The following EFCC1 variants were observed in gnomAD, a reference collection of about 807,000 sequenced individuals.
The protein encoded by EFCC1 is EF-hand and coiled-coil domain containing 1, also known as EF-hand and coiled-coil domain-containing protein 1.
A neutral mutation model predicts 52.1 loss-of-function variants in EFCC1; 50 were observed. The ratio of observed to expected loss-of-function variants is 0.96; its 90% CI spans 0.76 to 1.21. The LOEUF is 1.21. Ranked by LOEUF, EFCC1 falls within the 50% of genes most tolerant of loss-of-function variation. The probability of loss-of-function intolerance (pLI) is 0.00; values close to 1 mark genes in which losing one functional copy is unlikely to be tolerated. For missense variants in EFCC1, 837 were observed against 867.3 expected, an observed-to-expected ratio of 0.97 and a Z score of 0.44; for synonymous variants, 399 against 396.5, an observed-to-expected ratio of 1.01 and a Z score of -0.08.
In EFCC1 at chr3:129,004,028, G is replaced by A; in HGVS notation, c.931G>A (p.Gly311Ser). ...GGAGGCGCTGGCGCAACAGGTGCCC[G>A]GCTTGCAGCGCTGGGTGCGGCGGCT... Reference protein sequence around the residue: ...ELEALAQQVPGLQRWVRRLEA... With the variant: ...ELEALAQQVPSLQRWVRRLEA... The change falls in exon 2 of 8, where the codon GGC (glycine) becomes AGC (serine). Residue 311 changes from glycine to serine, a missense_variant. Coordinates refer to ENST00000683648, the MANE Select transcript of EFCC1 (RefSeq NM_001377500.1). 6.6e-7 allele frequency: 1 copy of A among 1,509,964 alleles called. No homozygotes were observed. The highest frequency in any genetic ancestry group is 1.2e-5 in the South Asian group (1 of 82,766). 93.5% of individuals were successfully genotyped at this position (1,509,964 alleles called of 1,614,324 possible).
Position 129,002,211 on chromosome 3 carries a change from CCTGA to C in EFCC1, c.587_590del (p.Asp196ValfsTer33). ...CTGCGCGCCTGGCCCCGACAGCGGT[CCTGA>C]CTGTGAGCGCGTTGCGCGGCTGGAG... On this transcript the variant is annotated frameshift_variant, in exon 1 of 8. Coordinates refer to ENST00000683648, the MANE Select transcript of EFCC1 (RefSeq NM_001377500.1). LOFTEE classifies it high-confidence loss of function. 5 of 1,526,802 alleles carry C rather than the reference CCTGA, an allele frequency of 3.3e-6. No homozygotes were observed. The highest frequency in any genetic ancestry group is 2.6e-6 in the Non-Finnish European group (3 of 1,142,602). The allele number at this position is 1,526,802 out of a possible 1,614,324, so 94.6% of individuals were successfully genotyped here. A position where few individuals can be genotyped will look rare whatever the true frequency, so the allele number is the denominator to read the frequency against.
rs1220193423 is a variant in EFCC1 at position 129,014,083 on chromosome 3, A to G, written c.980+10006A>G. ...TTCAGGCTCTTCATTTTGCCTCTTC[A>G]TGATTTTCTGTCAGAAATAACCATT... is the stretch of plus-strand genomic sequence containing the variant. On this transcript the variant is annotated intron_variant, in intron 2 of 7. Coordinates refer to ENST00000683648, the MANE Select transcript of EFCC1 (RefSeq NM_001377500.1). The surrounding 1 kb of genome is among the most constrained non-coding windows in gnomAD (Gnocchi z 4.3). 6.6e-6 allele frequency among the ~76,000 whole-genome samples: 1 copy of G among 152,218 alleles called. No homozygotes were observed. Among genetic ancestry groups the G allele is most frequent in the African/African-American group, 2.4e-5 (1 of 41,460 alleles).
intron 2 of EFCC1, among the ~76,000 whole-genome samples, chr3:129,026,622 T>C (rs903852176): frequency 6.6e-5 from 10 of 152,104 alleles, no homozygotes; most frequent in Non-Finnish European, 1.2e-4. Context: ...GTTAAACACC[T>C]CCCTATGGGG....
At chr3:129,008,118 C>A (rs941344585) in intron 2 of EFCC1, among the ~76,000 whole-genome samples, 2 of 152,346 alleles carry the variant, frequency 1.3e-5, no homozygotes, top group East Asian at 3.8e-4. Flanking sequence ...TGATTCTAGA[C>A]CAGTTTTTAA....
intron 2 of EFCC1, among the ~76,000 whole-genome samples, chr3:129,024,713 C>A (rs1428932000): frequency 6.6e-6 from 1 of 152,070 alleles, no homozygotes; most frequent in Non-Finnish European, 1.5e-5. Flanking sequence ...CTGGAGCCCA[C>A]TCCTGCAGTA....
At chr3:129,021,634 C>T (rs1045264685) in intron 2 of EFCC1, among the ~76,000 whole-genome samples, 26 of 152,124 alleles carry the variant, frequency 1.7e-4, no homozygotes, top group East Asian at 3.9e-4. Context: ...TGTGAGTCTG[C>T]GCGGGTATCT....
In EFCC1 at chr3:129,010,622, C is replaced by T. The variant is rs1945283008; in HGVS notation, c.980+6545C>T. 6.6e-6 allele frequency among the ~76,000 whole-genome samples: 1 copy of T among 152,028 alleles called. No individual in the cohort carries two copies. Among genetic ancestry groups the T allele is most frequent in the Non-Finnish European group, 1.5e-5 (1 of 67,998 alleles). On this transcript the variant is annotated intron_variant, in intron 2 of 7. Transcript: ENST00000683648. The surrounding 1 kb of genome is among the most constrained non-coding windows in gnomAD (Gnocchi z 4.3). The stretch of plus-strand genomic sequence containing the variant: ...CTTTCTTCTGCCCCATTGCTGCTGC[C>T]TGGCCTGACCTGGCAGCCTTTGGGT...
intron 1 of EFCC1, 44 bp downstream of exon 1, chr3:129,002,368 G>A: frequency 1.3e-6 from 2 of 1,486,986 alleles, no homozygotes; most frequent in Non-Finnish European, 8.9e-7. Context: ...CCCGGGAGAG[G>A]GCTCGAACTA....
chr3:129,015,731 C>A (rs1417615543), intron 2 of EFCC1, among the ~76,000 whole-genome samples: 2 of 151,064 alleles, frequency 1.3e-5, no homozygotes, highest in Non-Finnish European at 2.9e-5. Context: ...GAGGACTGTC[C>A]CCCCACCCCT....
rs1559951388 is a variant in EFCC1 at position 129,001,794 on chromosome 3, G to A, written c.166G>A (p.Asp56Asn). The A allele has an allele frequency of 6.5e-7, 1 of 1,544,906 alleles. No individual in the cohort carries two copies. Among genetic ancestry groups the A allele is most frequent in the South Asian group, 1.2e-5 (1 of 83,630 alleles). ...NEIVVLATGL[D>N]QYLQEVFHHL... ...GATCGTGGTGCTGGCCACCGGCCTG[G>A]ACCAGTACCTGCAGGAGGTCTTCCA... The change falls in exon 1 of 8, where the codon GAC (aspartate) becomes AAC (asparagine). Residue 56 changes from aspartate to asparagine, a missense_variant. Coordinates refer to ENST00000683648, the MANE Select transcript of EFCC1 (RefSeq NM_001377500.1).
intron 2 of EFCC1, among the ~76,000 whole-genome samples, chr3:129,027,499 T>G (rs2107930429): frequency 6.6e-6 from 1 of 152,230 alleles, no homozygotes; most frequent in African/African-American, 2.4e-5. Context: ...CGCGGGAGGC[T>G]CCCTGCCTGC....
chr3:129,035,124 G>A (rs1015629512), intron 5 of EFCC1, among the ~76,000 whole-genome samples: 3 of 152,164 alleles, frequency 2.0e-5, no homozygotes, highest in African/African-American at 7.2e-5. Flanking sequence ...TTACAAACTG[G>A]TTTTGACATA....
intron 2 of EFCC1, among the ~76,000 whole-genome samples, chr3:129,008,403 C>T (rs763289593): frequency 7.2e-5 from 11 of 152,190 alleles, no homozygotes; most frequent in Non-Finnish European, 1.0e-4. Flanking sequence ...TTGACTTTGG[C>T]TCTATATTCT....
Position 129,002,147 on chromosome 3 carries a change from G to C in EFCC1, c.519G>C (p.Gln173His). ...CTCTCAGCGAGCACATCGAGACGCA[G>C]ATCCGCCTGCGCCGTCCGCGCCGCC... Reference protein sequence around the residue: ...RGALSEHIETQIRLRRPRRRR... With the variant: ...RGALSEHIETHIRLRRPRRRR... Residue 173 changes from glutamine to histidine, a missense_variant, in exon 1 of 8, where the codon CAG (glutamine) becomes CAC (histidine). Transcript: ENST00000683648. 1 of 1,472,978 alleles carries C rather than the reference G, an allele frequency of 6.8e-7. No individual in the cohort carries two copies. Among genetic ancestry groups the C allele is most frequent in the Non-Finnish European group, 8.9e-7 (1 of 1,121,022 alleles). The allele number at this position is 1,472,978 out of a possible 1,614,324, so 91.2% of individuals were successfully genotyped here.
intron 2 of EFCC1, among the ~76,000 whole-genome samples, chr3:129,025,791 C>T (rs1467657207): frequency 6.6e-6 from 1 of 152,232 alleles, no homozygotes. Flanking sequence ...TTCTCTGTAG[C>T]CACATTTTAC....
At chr3:129,026,213 G>C (rs1039629774) in intron 2 of EFCC1, among the ~76,000 whole-genome samples, 4 of 152,222 alleles carry the variant, frequency 2.6e-5, no homozygotes, top group African/African-American at 9.6e-5. Flanking sequence ...GGCTTTCTAA[G>C]ACACATGCAA....
intron 2 of EFCC1, among the ~76,000 whole-genome samples, chr3:129,019,764 CTT>C (rs760118112): frequency 6.5e-5 from 7 of 107,426 alleles, no homozygotes; most frequent in East Asian, 3.0e-4. Flanking sequence ...ATTAAATTTA[CTT>C]TTTTTTTTTT....
intron 5 of EFCC1, among the ~76,000 whole-genome samples, chr3:129,034,982 G>A (rs554705059): frequency 2.6e-5 from 4 of 152,274 alleles, no homozygotes; most frequent in African/African-American, 7.2e-5. Flanking sequence ...GCATCCAGCT[G>A]TCTCCATTTC....
Position 129,034,342 on chromosome 3 carries a change from T to C in EFCC1, c.1452+13T>C, listed in dbSNP as rs766414696. On this transcript the variant is annotated intron_variant, in intron 5 of 7. Coordinates refer to ENST00000683648, the MANE Select transcript of EFCC1 (RefSeq NM_001377500.1). ...CTCTGAGGAGGAGGTCAGCAGAGCC[T>C]AGAGATCAAAGGCTGGAGCAATTCT... The C allele has an allele frequency of 3.1e-6, 5 of 1,613,036 alleles. No homozygotes were observed. Among genetic ancestry groups the C allele is most frequent in the South Asian group, 1.1e-5 (1 of 91,022 alleles).
Sources: allele counts gnomAD v4.1 joint callset (sites outside exome capture counted in the v4.1 genomes callset), GRCh38; gene constraint gnomAD v4.1.1; non-coding constraint Gnocchi (gnomAD v3.1); transcripts MANE v1.5; gene names NCBI Gene and HGNC (gene_info 2026-07-23, HGNC 2026-07-21).